Variants in CLPB observed in about 807,000 individuals in gnomAD.
The protein encoded by CLPB is ClpB family mitochondrial disaggregase.
In CLPB, 40 loss-of-function variants were observed where a neutral mutation model predicts 78.4. The ratio of observed to expected loss-of-function variants is 0.51; its 90% CI spans 0.40 to 0.66. The LOEUF (loss-of-function observed/expected upper bound fraction) is 0.66, where lower values mean the gene tolerates loss of function less well. CLPB is among the 30% of genes least tolerant of loss of function. The pLI, the probability that CLPB is intolerant of heterozygous loss-of-function variation, is 0.00. For missense variants in CLPB, 780 were observed against 886.9 expected (o/e 0.88, Z 1.53); for synonymous variants, 333 against 348.0 (o/e 0.96, Z 0.48).
chr11:72,427,009 C>T (rs1010559264), intron 2 of CLPB, among the ~76,000 whole-genome samples: 2 of 152,188 alleles, frequency 1.3e-5, no homozygotes, highest in African/African-American at 4.8e-5. Context: ...TGAGATCACA[C>T]CCAGCTGGGA....
At chr11:72,308,709 C>T in intron 7 of CLPB, 105 bp from the exon 8 acceptor site, 3 of 1,020,032 alleles carry the variant, frequency 2.9e-6, no homozygotes, top group Non-Finnish European at 4.6e-6. Context: ...TTTTACTGCT[C>T]TGCGCCCACT....
intron 2 of CLPB, among the ~76,000 whole-genome samples, chr11:72,418,675 C>T (rs753731636): frequency 6.6e-6 from 1 of 151,786 alleles, no homozygotes; most frequent in Non-Finnish European, 1.5e-5. Flanking sequence ...GCCAACATGG[C>T]GAAACCCTGT....
chr11:72,433,589 A>T (rs969342270), intron 1 of CLPB, among the ~76,000 whole-genome samples: 6 of 143,498 alleles, frequency 4.2e-5, no homozygotes, highest in South Asian at 2.2e-4. Context: ...ATAAATAAAT[A>T]AATTGAGGTC....
chr11:72,357,691 C>T (rs1268016741), intron 5 of CLPB, among the ~76,000 whole-genome samples: 1 of 133,166 alleles, frequency 7.5e-6, no homozygotes, highest in Non-Finnish European at 1.6e-5. Context: ...AGCAAAACTC[C>T]GTGTCCCAGA....
chr11:72,299,804 G>A (rs1949621664), intron 11 of CLPB, among the ~76,000 whole-genome samples: 1 of 152,156 alleles, frequency 6.6e-6, no homozygotes, highest in African/African-American at 2.4e-5. Flanking sequence ...ATAGTAGGCT[G>A]GGGCTGGGGG....
chr11:72,329,845 T>G (rs1185316547), intron 5 of CLPB, 41 bp from the exon 6 acceptor site: 1 of 1,498,856 alleles, frequency 6.7e-7, no homozygotes. Context: ...CTATGAACGA[T>G]CAGTGGGACC....
intron 3 of CLPB, among the ~76,000 whole-genome samples, chr11:72,400,593 C>A (rs1855533110): frequency 6.6e-6 from 1 of 152,222 alleles, no homozygotes; most frequent in Admixed American, 6.5e-5. Context: ...ACACACCTCT[C>A]CACCTCTCCT....
At chr11:72,359,914 C>CGTT in intron 4 of CLPB, among the ~76,000 whole-genome samples, 1 of 152,288 alleles carries the variant, frequency 6.6e-6, no homozygotes, top group Non-Finnish European at 1.5e-5. Context: ...AACATAAAAC[C>CGTT]AGTCCATCAT....
chr11:72,407,803 C>T (rs7947973), intron 2 of CLPB, among the ~76,000 whole-genome samples: 8 of 152,210 alleles, frequency 5.3e-5, no homozygotes, highest in South Asian at 4.1e-4. Flanking sequence ...CCTGCCACCA[C>T]GCCCAGCTAA....
intron 1 of CLPB, among the ~76,000 whole-genome samples, chr11:72,433,118 C>G (rs1856594713): frequency 6.6e-6 from 1 of 152,128 alleles, no homozygotes; most frequent in Admixed American, 6.6e-5. Flanking sequence ...CTTCTCCTGC[C>G]AACTATCCCA....
intron 3 of CLPB, among the ~76,000 whole-genome samples, chr11:72,396,433 A>G (rs1389497556): frequency 6.6e-6 from 1 of 152,162 alleles, no homozygotes; most frequent in East Asian, 1.9e-4. Context: ...ATCTCCCCAC[A>G]CCAGCCTCCC....
intron 3 of CLPB, among the ~76,000 whole-genome samples, chr11:72,387,964 G>A (rs924270857): frequency 3.3e-5 from 5 of 152,220 alleles, no homozygotes; most frequent in Admixed American, 1.3e-4. Context: ...GGCAGCTAGC[G>A]TCACTAACTG....
intron 1 of CLPB, among the ~76,000 whole-genome samples, chr11:72,433,162 G>A (rs1233629069): frequency 6.6e-6 from 1 of 152,116 alleles, no homozygotes; most frequent in East Asian, 1.9e-4. Flanking sequence ...TGTGAGACCA[G>A]ACACAGCAAA....
chr11:72,346,206 G>A (rs1340745003), intron 5 of CLPB, among the ~76,000 whole-genome samples: 1 of 152,166 alleles, frequency 6.6e-6, no homozygotes, highest in Non-Finnish European at 1.5e-5. Flanking sequence ...AGGATCACTT[G>A]AGGCCAGGAG....
chr11:72,433,972 C>A, intron 1 of CLPB, 100 bp downstream of exon 1: 1 of 1,422,382 alleles, frequency 7.0e-7, no homozygotes, highest in Admixed American at 1.9e-5. Context: ...GACTTAGGCT[C>A]TAAGGATCTA....
chr11:72,327,045 G>C (rs73528902), intron 6 of CLPB, among the ~76,000 whole-genome samples: 3,003 of 152,312 alleles, frequency 0.02, 100 homozygotes, highest in African/African-American at 0.069. Context: ...CTGGATGAAG[G>C]GATCAAGTGC....
At chr11:72,432,386 T>G (rs1280821331) in intron 1 of CLPB, among the ~76,000 whole-genome samples, 1 of 152,126 alleles carries the variant, frequency 6.6e-6, no homozygotes, top group Non-Finnish European at 1.5e-5. Context: ...AAAAGATCAC[T>G]CCCCTTTCCG....
At chr11:72,382,567 G>A (rs1854949492) in intron 3 of CLPB, among the ~76,000 whole-genome samples, 1 of 152,070 alleles carries the variant, frequency 6.6e-6, no homozygotes, top group African/African-American at 2.4e-5. Flanking sequence ...CAGGCTCCAA[G>A]CTTAACCCTA....
At chr11:72,416,748 A>G (rs1369727589) in intron 2 of CLPB, among the ~76,000 whole-genome samples, 1 of 151,484 alleles carries the variant, frequency 6.6e-6, no homozygotes, top group Non-Finnish European at 1.5e-5. Flanking sequence ...AAAAAAAAAA[A>G]AAAAAAAGAA....
Sources: gnomAD v4.1 joint callset for allele counts (sites outside exome capture counted in the v4.1 genomes callset) on GRCh38, gnomAD v4.1.1 for gene constraint, MANE v1.5 for transcripts, NCBI Gene and HGNC (gene_info 2026-07-23, HGNC 2026-07-21) for gene names.